CCNP: variants seen among roughly 807,000 people sequenced by gnomAD.
The protein encoded by CCNP is cyclin-P.
CCNP carries 18 observed loss-of-function variants against 19.6 expected under a neutral mutation model. The observed-to-expected ratio is 0.92, with a 90% CI of 0.64 to 1.36. The LOEUF is 1.36. Ranked by LOEUF, CCNP falls within the 40% of genes most tolerant of loss-of-function variation. CCNP has a pLI of 0.00. For synonymous variants in CCNP, 228 were observed against 194.9 expected, an observed-to-expected ratio of 1.17 and a Z score of -1.41; for missense variants, 440 against 424.4, an observed-to-expected ratio of 1.04 and a Z score of -0.32.
chr19:40,222,690 T>G lies in CCNP; in HGVS notation c.*362A>C, dbSNP rs1323104962. The G allele has an allele frequency of 5.0e-6, 2 of 401,618 alleles. No homozygotes were observed. Among genetic ancestry groups the G allele is most frequent in the African/African-American group, 4.1e-5 (2 of 48,546 alleles). The allele number at this position is 401,618 out of a possible 1,614,324, so 24.9% of individuals were successfully genotyped here. ...CCCTATTCTTCCTACAGGGCGCGGC[T>G]AGTGCGGAGTCAGAACACTCGAGGA... On this transcript the variant is annotated 3_prime_UTR_variant, in exon 5 of 5. Coordinates refer to ENST00000430325, the MANE Select transcript of CCNP (RefSeq NM_024877.4).
rs1351307318 is a variant in CCNP, at chr19:40,222,503, G to A, written c.*549C>T. 5.0e-6 allele frequency: 2 copies of A among 398,818 alleles called. No homozygotes were observed. The highest frequency in any genetic ancestry group is 8.8e-6 in the Non-Finnish European group (2 of 226,226). 24.7% of individuals were successfully genotyped at this position (398,818 alleles called of 1,614,324 possible). A position where few individuals can be genotyped will look rare whatever the true frequency, so the allele number is the denominator to read the frequency against. On this transcript the variant is annotated 3_prime_UTR_variant, in exon 5 of 5. Transcript: ENST00000430325. ...GCAGGGAGATGGAGAAACTGAGGCA[G>A]GGCAAGTGGTTGGAGATGACCCATC... is the stretch of plus-strand genomic sequence containing the variant.
At position 40,222,479 on chromosome 19, in the gene CCNP, C is replaced by G; in HGVS notation, c.*573G>C. The G allele has an allele frequency of 2.5e-6, 1 of 398,728 alleles. No individual in the cohort carries two copies. The allele number at this position is 398,728 out of a possible 1,614,324, so 24.7% of individuals were successfully genotyped here. ...GGTGCCCAGTTCCTCGGGGCTGCAG[C>G]AGGGAGATGGAGAAACTGAGGCAGG... On this transcript the variant is annotated 3_prime_UTR_variant, in exon 5 of 5. Transcript: ENST00000430325.
rs1370781238 is a variant in CCNP, at chr19:40,224,735, A to T, written c.344T>A (p.Leu115Gln). 7.6e-6 allele frequency: 12 copies of T among 1,576,202 alleles called. No individual in the cohort carries two copies. Among genetic ancestry groups the T allele is most frequent in the Non-Finnish European group, 1.0e-5 (12 of 1,161,758 alleles). Reference sequence around the variant, plus strand: ...CCAGATACCTACGTGCACCTGGACCAGCCAGTCTACCACCAGGGCGCGCAT... The same window carrying T: ...CCAGATACCTACGTGCACCTGGACCTGCCAGTCTACCACCAGGGCGCGCAT... Reference protein sequence around the residue: ...PEMRALVVDWLVQVHEYLGLA... With the variant: ...PEMRALVVDWQVQVHEYLGLA... The change falls in exon 2 of 5, where the codon CTG becomes CAG. Residue 115 changes from leucine to glutamine, a missense_variant. Physicochemically the swap from Leu to Gln is moderately radical, Grantham distance 113. Transcript: ENST00000430325.
Position 40,222,633 on chromosome 19 carries a change from G to T in CCNP, c.*419C>A. The T allele has an allele frequency of 2.5e-6, 1 of 397,954 alleles. No individual in the cohort carries two copies. Among genetic ancestry groups the T allele is most frequent in the Non-Finnish European group, 4.4e-6 (1 of 226,154 alleles). 24.7% of individuals were successfully genotyped at this position (397,954 alleles called of 1,614,324 possible). ...GGCACGCGTCCCGTCTTCAACTGGA[G>T]TGACTAGGCGAGCACCGGGGAGAGG... is the stretch of plus-strand genomic sequence containing the variant. On this transcript the variant is annotated 3_prime_UTR_variant, in exon 5 of 5. Coordinates refer to ENST00000430325, the MANE Select transcript of CCNP (RefSeq NM_024877.4).
chr19:40,223,707 C>T, intron 3 of CCNP, 161 bp from the exon 4 acceptor site: 1 of 993,690 alleles, frequency 1.0e-6, no homozygotes, highest in Non-Finnish European at 1.5e-6. Flanking sequence ...GCTTGAGGGT[C>T]CTGGGTTCAA....
At chr19:40,223,344 TCGCGCCGGCCACGCCCCCACCC>T in intron 4 of CCNP, 22 bp downstream of exon 4, 1 of 1,491,346 alleles carries the variant, frequency 6.7e-7, no homozygotes. Flanking sequence ...ACGCCCCACT[TCGCGCCGGCCACGCCCCCACCC>T]CGCGTATTCA....
At position 40,226,521 on chromosome 19, in the gene CCNP, T is replaced by C; in HGVS notation, c.121A>G (p.Ser41Gly). 6.3e-7 allele frequency: 1 copy of C among 1,594,638 alleles called. No homozygotes were observed. Among genetic ancestry groups the C allele is most frequent in the Non-Finnish European group, 8.5e-7 (1 of 1,172,016 alleles). Residue 41 changes from serine to glycine, a missense_variant, in exon 1 of 5, where the codon AGC becomes GGC. Ser to Gly is a moderately conservative substitution (Grantham distance 56). Transcript: ENST00000430325. Reference sequence around the variant, plus strand: ...GGGAAGCCGTCGGGGACTGCGGCGCTTGAAGGCTCTGCGTCGAGGGAGGCA... The same window carrying C: ...GGGAAGCCGTCGGGGACTGCGGCGCCTGAAGGCTCTGCGTCGAGGGAGGCA... Reference protein sequence around the residue: ...LAASLDAEPSSAAVPDGFPAG... With the variant: ...LAASLDAEPSGAAVPDGFPAG...
Position 40,224,651 on chromosome 19 carries a change from G to C in CCNP, c.358-8C>G, listed in dbSNP as rs143673271. On this transcript the variant is annotated splice_polypyrimidine_tract_variant and splice_region_variant and intron_variant, in intron 2 of 4. Transcript: ENST00000430325. ...AGCCAGACCCAGGTACTCCTGAGGA[G>C]GGGCAAGGGTGACCACGGGGTCCTG... 16,412 of 1,614,170 alleles carry C rather than the reference G, an allele frequency of 0.01. 92 individuals carry two copies. The highest frequency in any genetic ancestry group is 0.011 in the Non-Finnish European group (13,564 of 1,180,010).
At chr19:40,223,883 C>G (rs1299525376) in intron 3 of CCNP, among the ~76,000 whole-genome samples, 1 of 152,000 alleles carries the variant, frequency 6.6e-6, no homozygotes, top group Non-Finnish European at 1.5e-5. Flanking sequence ...TTGACGGTAA[C>G]TATTCAAGAT....
Position 40,226,536 on chromosome 19 carries a change from CGAGG to C in CCNP, c.102_105del (p.Leu35ThrfsTer34). 1 of 1,586,108 alleles carries C rather than the reference CGAGG, an allele frequency of 6.3e-7. No homozygotes were observed. The highest frequency in any genetic ancestry group is 8.6e-7 in the Non-Finnish European group (1 of 1,167,906). On this transcript the variant is annotated frameshift_variant, in exon 1 of 5. Transcript: ENST00000430325. LOFTEE classifies it high-confidence loss of function. ...ACTGCGGCGCTTGAAGGCTCTGCGT[CGAGG>C]GAGGCAGCGAGACTCTGCAAAGGAG...
rs142246790 is a variant in CCNP at position 40,226,376 on chromosome 19, A to G, written c.266T>C (p.Met89Thr). 4.4e-6 allele frequency: 7 copies of G among 1,605,420 alleles called. No homozygotes were observed. Among genetic ancestry groups the G allele is most frequent in the Non-Finnish European group, 5.9e-6 (7 of 1,179,646 alleles). The change falls in exon 1 of 5, where the codon ATG (methionine) becomes ACG (threonine). Residue 89 changes from methionine to threonine, a missense_variant and splice_region_variant. Physicochemically the swap from Met to Thr is moderately conservative, Grantham distance 81 (BLOSUM62 -1). Transcript: ENST00000430325. ...EYAGDIFAEV[M>T]VCRVLPLRAL... ...AGGGCAGGCGGCGGGTAGGCTCACC[A>G]TGACTTCGGCGAAGATGTCCCCGGC... is the stretch of plus-strand genomic sequence containing the variant.
chr19:40,222,214 T>A lies in CCNP; in HGVS notation c.*838A>T, dbSNP rs1166056127. On this transcript the variant is annotated 3_prime_UTR_variant, in exon 5 of 5. Transcript: ENST00000430325. ...CAATGAGGGCAGAGAGCGCTCAGAATAAAATAAATTCTTTTATTGAGATGA... is the reference window on the plus strand; with the variant it reads ...CAATGAGGGCAGAGAGCGCTCAGAAAAAAATAAATTCTTTTATTGAGATGA... 1 of 397,676 alleles carries A rather than the reference T, an allele frequency of 2.5e-6. No individual in the cohort carries two copies. The highest frequency in any genetic ancestry group is 3.6e-5 in the East Asian group (1 of 28,058). The allele number at this position is 397,676 out of a possible 1,614,324, so 24.6% of individuals were successfully genotyped here.
Position 40,222,368 on chromosome 19 carries a change from C to T in CCNP, c.*684G>A, listed in dbSNP as rs1973458565. The T allele has an allele frequency of 2.5e-6, 1 of 398,978 alleles. No homozygotes were observed. The highest frequency in any genetic ancestry group is 3.6e-5 in the East Asian group (1 of 28,076). The allele number at this position is 398,978 out of a possible 1,614,324, so 24.7% of individuals were successfully genotyped here. A position where few individuals can be genotyped will look rare whatever the true frequency, so the allele number is the denominator to read the frequency against. ...GGCGGCGGCAAGGCTGGTCCCCTGG[C>T]GCTGGGGCCGCGCATACTTGAGGAA... On this transcript the variant is annotated 3_prime_UTR_variant, in exon 5 of 5. Coordinates refer to ENST00000430325, the MANE Select transcript of CCNP (RefSeq NM_024877.4).
At chr19:40,223,977 T>G (rs1275304288) in intron 3 of CCNP, among the ~76,000 whole-genome samples, 5 of 152,048 alleles carry the variant, frequency 3.3e-5, no homozygotes, top group African/African-American at 4.8e-5. Context: ...GTTTTGTTTT[T>G]TTTTGTTGTT....
At position 40,222,962 on chromosome 19, in the gene CCNP, G is replaced by A. The variant is rs941051002; in HGVS notation, c.*90C>T. 3 of 748,880 alleles carry A rather than the reference G, an allele frequency of 4.0e-6. No homozygotes were observed. Among genetic ancestry groups the A allele is most frequent in the African/African-American group, 3.6e-5 (2 of 55,584 alleles). 46.4% of individuals were successfully genotyped at this position (748,880 alleles called of 1,614,324 possible). A position where few individuals can be genotyped will look rare whatever the true frequency, so the allele number is the denominator to read the frequency against. On this transcript the variant is annotated 3_prime_UTR_variant, in exon 5 of 5. Coordinates refer to ENST00000430325, the MANE Select transcript of CCNP (RefSeq NM_024877.4). ...AGACTATCTTCCACTCTGGGGCAAG[G>A]TTAAGAGACCCCAGATCTGGACTAA...
At position 40,222,703 on chromosome 19, in the gene CCNP, G is replaced by A. The variant is rs1349967774; in HGVS notation, c.*349C>T. On this transcript the variant is annotated 3_prime_UTR_variant, in exon 5 of 5. Transcript: ENST00000430325. ...ACAGGGCGCGGCTAGTGCGGAGTCA[G>A]AACACTCGAGGAAGCAAGGAGGGGA... 4.9e-6 allele frequency: 2 copies of A among 406,050 alleles called. No homozygotes were observed. Among genetic ancestry groups the A allele is most frequent in the Non-Finnish European group, 4.3e-6 (1 of 231,414 alleles). The allele number at this position is 406,050 out of a possible 1,614,324, so 25.2% of individuals were successfully genotyped here.
chr19:40,224,803 G>A lies in CCNP; in HGVS notation c.276C>T (p.Arg92=), dbSNP rs1973517527. ...GGGGCAGGGCTCTCAGGGGCAGCAC[G>A]CGGCACACCTGGGGTTGGGGCAGGG... ...GDIFAEVMVC[R]VLPLRALPRA... The change falls in exon 2 of 5, where the codon CGC becomes CGT. Residue 92 remains arginine, a synonymous_variant. Transcript: ENST00000430325. 1 of 1,552,218 alleles carries A rather than the reference G, an allele frequency of 6.4e-7. No individual in the cohort carries two copies. The highest frequency in any genetic ancestry group is 1.4e-5 in the African/African-American group (1 of 73,062).
rs756145474 is a variant in CCNP at position 40,226,615 on chromosome 19, C to T, written c.27G>A (p.Gly9=). 1.3e-6 allele frequency: 2 copies of T among 1,578,866 alleles called. No individual in the cohort carries two copies. Among genetic ancestry groups the T allele is most frequent in the African/African-American group, 1.3e-5 (1 of 74,182 alleles). Reference sequence around the variant, plus strand: ...CGATAGGCCCGAGCCGGGAGCCGGACCCCTGGTCCCTGCCTCTCACCAGCA... The same window carrying T: ...CGATAGGCCCGAGCCGGGAGCCGGATCCCTGGTCCCTGCCTCTCACCAGCA... MLVRGRDQ[G]SGSRLGPIVR... The change falls in exon 1 of 5, where the codon GGG becomes GGA. Residue 9 remains glycine (G), a synonymous_variant. Transcript: ENST00000430325.
intron 2 of CCNP, 29 bp downstream of exon 2, chr19:40,224,693 C>T (rs987041295): frequency 3.7e-6 from 6 of 1,607,366 alleles, no homozygotes; most frequent in Non-Finnish European, 5.1e-6. Context: ...GACGCAAACT[C>T]AGCCCCCCAC....
Sources: gnomAD v4.1 joint callset for allele counts (sites outside exome capture counted in the v4.1 genomes callset) on GRCh38, gnomAD v4.1.1 for gene constraint, MANE v1.5 for transcripts, NCBI Gene and HGNC (gene_info 2026-07-23, HGNC 2026-07-21) for gene names.